The following MAP4K3 variants were observed in gnomAD, a reference collection of about 807,000 sequenced individuals.
MAP4K3 encodes MAPK/ERK kinase kinase kinase 3.
A neutral mutation model predicts 143.5 loss-of-function variants in MAP4K3; 94 were observed. That is an observed-to-expected ratio of 0.65 (90% CI 0.55 to 0.78). The LOEUF is 0.78. MAP4K3 is among the 30% of genes least tolerant of loss of function. The pLI is 0.00. For synonymous variants in MAP4K3, 416 were observed against 347.2 expected (o/e 1.20, Z -2.20); for missense variants, 1,077 against 1,068.1 (o/e 1.01, Z -0.12).
chr2:39,290,366 T>A (rs771399593), intron 18 of MAP4K3, 32 bp from the exon 19 acceptor site: 2 of 1,477,500 alleles, frequency 1.4e-6, no homozygotes, highest in Non-Finnish European at 1.9e-6. Flanking sequence ...ATCAGAACTA[T>A]TCATTTTACA....
chr2:39,353,007 G>C (rs1413431764), intron 3 of MAP4K3, among the ~76,000 whole-genome samples: 2 of 152,170 alleles, frequency 1.3e-5, no homozygotes, highest in African/African-American at 4.8e-5. Flanking sequence ...TCAGTAATGA[G>C]AAAGAATTCA....
At chr2:39,284,226 A>G (rs941035673) in intron 21 of MAP4K3, among the ~76,000 whole-genome samples, 4 of 151,928 alleles carry the variant, frequency 2.6e-5, no homozygotes, top group African/African-American at 4.8e-5. Context: ...CAGGGGCACG[A>G]TATCGGGTCA....
At chr2:39,382,737 T>C (rs997946940) in intron 1 of MAP4K3, among the ~76,000 whole-genome samples, 2 of 152,222 alleles carry the variant, frequency 1.3e-5, no homozygotes, top group Non-Finnish European at 2.9e-5. Context: ...GGACCCAGGA[T>C]TCTGTATCTT....
chr2:39,251,765 C>A (rs1159018782), intron 33 of MAP4K3, 65 bp downstream of exon 33: 6 of 1,285,672 alleles, frequency 4.7e-6, no homozygotes, highest in Non-Finnish European at 6.7e-6. Flanking sequence ...AAAAAGAAAT[C>A]TGTTTCATGC....
chr2:39,257,668 G>A (rs1057054197), intron 31 of MAP4K3, among the ~76,000 whole-genome samples: 5 of 151,346 alleles, frequency 3.3e-5, no homozygotes, highest in South Asian at 4.2e-4. Context: ...GGGTGGTGGC[G>A]GGCGCCTGTA....
chr2:39,344,330 C>A (rs1334467784), intron 3 of MAP4K3, among the ~76,000 whole-genome samples: 1 of 152,190 alleles, frequency 6.6e-6, no homozygotes, highest in Non-Finnish European at 1.5e-5. Context: ...ACCTCTGCAA[C>A]TATGAATCGT....
Position 39,315,397 on chromosome 2 carries a change from G to T in MAP4K3, c.919-9C>A, listed in dbSNP as rs778378879. The T allele has an allele frequency of 1.3e-6, 2 of 1,585,978 alleles. No homozygotes were observed. The highest frequency in any genetic ancestry group is 2.2e-5 in the East Asian group (1 of 44,596). The stretch of plus-strand genomic sequence containing the variant: ...GGTACAGCAACAAGAGGCTAGAAAA[G>T]AACAAAATCAATGATATGCAGCATT... On this transcript the variant is annotated splice_polypyrimidine_tract_variant and intron_variant, in intron 12 of 33. Transcript: ENST00000263881.
chr2:39,434,800 T>C (rs1665401959), intron 1 of MAP4K3, among the ~76,000 whole-genome samples: 1 of 152,244 alleles, frequency 6.6e-6, no homozygotes, highest in South Asian at 2.1e-4. Context: ...GGGTTGCTGT[T>C]AGGATTAATT....
At chr2:39,436,771 C>A in intron 1 of MAP4K3, 121 bp downstream of exon 1, 1 of 807,236 alleles carries the variant, frequency 1.2e-6, no homozygotes, top group Non-Finnish European at 2.0e-6. Context: ...CGCAGCTCCT[C>A]CTCCCCGACT....
chr2:39,367,665 G>A lies in MAP4K3; in HGVS notation c.154+10401C>T, dbSNP rs141777345. 6.0e-3 allele frequency among the ~76,000 whole-genome samples: 920 copies of A among 152,070 alleles called. 10 individuals carry two copies. Among genetic ancestry groups the A allele is most frequent in the African/African-American group, 0.021 (883 of 41,478 alleles). ...GGAAGCCTGTAGTCCCAGATATTTGGGGGACTGAGGTGAGAGTTTGATCCA... is the reference window on the plus strand; with the variant it reads ...GGAAGCCTGTAGTCCCAGATATTTGAGGGACTGAGGTGAGAGTTTGATCCA... On this transcript the variant is annotated intron_variant, in intron 2 of 33. Coordinates refer to ENST00000263881, the MANE Select transcript of MAP4K3 (RefSeq NM_003618.4).
At position 39,419,306 on chromosome 2, in the gene MAP4K3, A is replaced by G. The variant is rs563998048; in HGVS notation, c.96+17586T>C. Among the ~76,000 whole-genome samples, 48 of 152,250 alleles carry G rather than the reference A, an allele frequency of 3.2e-4. No homozygotes were observed. In the Middle Eastern group the frequency reaches 0.01, roughly 32 times the overall value. The stretch of plus-strand genomic sequence containing the variant: ...AGTTTAGTTTACAGATTTTTCTTCT[A>G]AAGCCCACCAAAATAAGTTAAATTA... On this transcript the variant is annotated intron_variant, in intron 1 of 33. Transcript: ENST00000263881.
At chr2:39,275,547 A>C (rs1320367938) in intron 24 of MAP4K3, among the ~76,000 whole-genome samples, 1 of 152,234 alleles carries the variant, frequency 6.6e-6, no homozygotes, top group East Asian at 1.9e-4. Context: ...CCACCTATGC[A>C]TAAAGCTGGC....
chr2:39,326,345 G>T, intron 8 of MAP4K3, 68 bp from the exon 9 acceptor site: 1 of 1,533,432 alleles, frequency 6.5e-7, no homozygotes, highest in Non-Finnish European at 8.9e-7. Flanking sequence ...CCACCCAGAG[G>T]CACAAGGAAT....
At chr2:39,326,364 T>C in intron 8 of MAP4K3, 87 bp from the exon 9 acceptor site, 1 of 1,461,970 alleles carries the variant, frequency 6.8e-7, no homozygotes, top group African/African-American at 1.4e-5. Context: ...ATTATCACTA[T>C]CTAAATTAAG....
Position 39,308,021 on chromosome 2 carries a change from C to CAAGAA in MAP4K3, c.1057-21_1057-17dup, listed in dbSNP as rs1376576859. 5 of 1,571,126 alleles carry CAAGAA rather than the reference C, an allele frequency of 3.2e-6. No individual in the cohort carries two copies. In the African/African-American group the frequency reaches 6.9e-5, roughly 22 times the overall value. ...CACTGTCGGGCTGTTTAGCAGAGAC[C>CAAGAA]AAGAAACCCAAGTTATTTACGCTTA... On this transcript the variant is annotated splice_polypyrimidine_tract_variant and intron_variant, in intron 14 of 33. Coordinates refer to ENST00000263881, the MANE Select transcript of MAP4K3 (RefSeq NM_003618.4).
chr2:39,278,406 C>A lies in MAP4K3; in HGVS notation c.1794+1G>T. On this transcript the variant is annotated splice_donor_variant, in intron 24 of 33. Coordinates refer to ENST00000263881, the MANE Select transcript of MAP4K3 (RefSeq NM_003618.4). LOFTEE classifies it high-confidence loss of function. ...AAAAAAGAATATACAAAATAACATA[C>A]CTGTTCCATTGATGTTTCATGAAGT... 2 of 1,547,188 alleles carry A rather than the reference C, an allele frequency of 1.3e-6. No individual in the cohort carries two copies. The highest frequency in any genetic ancestry group is 1.4e-5 in the African/African-American group (1 of 72,518).
intron 29 of MAP4K3, 28 bp downstream of exon 29, chr2:39,260,578 C>A (rs1291124911): frequency 6.3e-7 from 1 of 1,598,806 alleles, no homozygotes; most frequent in Admixed American, 1.7e-5. Flanking sequence ...TATGTATTAC[C>A]CTTAATAATT....
Position 39,280,351 on chromosome 2 carries a change from A to C in MAP4K3, c.1635T>G (p.Gly545=), listed in dbSNP as rs200158410. The change falls in exon 23 of 34, where the codon GGT becomes GGG. Residue 545 remains glycine, a synonymous_variant. Coordinates refer to ENST00000263881, the MANE Select transcript of MAP4K3 (RefSeq NM_003618.4). The part of the protein sequence containing the change: ...GLPPTPKVHM[G]ACFSKVFNGC... ...CATTAAAAACTTTTGAAAAACATGC[A>C]CCCATCTAGGGAAACAAAGAATAAC... 214 of 1,598,346 alleles carry C rather than the reference A, an allele frequency of 1.3e-4. No individual in the cohort carries two copies. Among genetic ancestry groups the C allele is most frequent in the Non-Finnish European group, 1.6e-5 (19 of 1,169,214 alleles).
At chr2:39,296,084 G>T (rs1367319263) in intron 16 of MAP4K3, among the ~76,000 whole-genome samples, 3 of 152,104 alleles carry the variant, frequency 2.0e-5, no homozygotes, top group African/African-American at 7.2e-5. Flanking sequence ...GAGAATGGTT[G>T]AATAAGTGAA....
Sources: allele counts gnomAD v4.1 joint callset (sites outside exome capture counted in the v4.1 genomes callset), GRCh38; gene constraint gnomAD v4.1.1; transcripts MANE v1.5; gene names NCBI Gene and HGNC (gene_info 2026-07-23, HGNC 2026-07-21).